The following PLCE1 variants were observed in gnomAD, a reference collection of about 807,000 sequenced individuals.
PLCE1 encodes phospholipase C epsilon 1.
Under a neutral mutation model 242.8 loss-of-function variants are expected in PLCE1, and 119 were observed. That is an observed-to-expected ratio of 0.49 (90% CI 0.42 to 0.57). The LOEUF (loss-of-function observed/expected upper bound fraction) is 0.57, where lower values mean the gene tolerates loss of function less well. PLCE1 is among the 20% of genes least tolerant of loss of function. PLCE1 has a pLI of 0.00. For synonymous variants in PLCE1, 945 were observed against 1,017.4 expected (o/e 0.93, Z 1.35); for missense variants, 2,441 against 2,788.8 (o/e 0.88, Z 2.81).
chr10:94,264,978 G>A (rs2051460457), intron 14 of PLCE1, among the ~76,000 whole-genome samples: 2 of 152,192 alleles, frequency 1.3e-5, no homozygotes, highest in African/African-American at 4.8e-5. Flanking sequence ...AAAATTTTAA[G>A]TGGTTACTCT....
intron 2 of PLCE1, among the ~76,000 whole-genome samples, chr10:94,118,517 G>A (rs114730970): frequency 1.6e-3 from 250 of 152,280 alleles, no homozygotes; most frequent in African/African-American, 5.3e-3. Flanking sequence ...ATGGGGGCAG[G>A]TCTTTTTCTT....
intron 4 of PLCE1, among the ~76,000 whole-genome samples, chr10:94,209,734 A>G (rs1217318216): frequency 6.6e-6 from 1 of 152,238 alleles, no homozygotes; most frequent in Non-Finnish European, 1.5e-5. Flanking sequence ...TTCCAAATTC[A>G]AAGAAACACC....
chr10:94,255,603 A>G (rs1376298000), intron 11 of PLCE1, among the ~76,000 whole-genome samples: 2 of 152,246 alleles, frequency 1.3e-5, no homozygotes, highest in Admixed American at 6.5e-5. Context: ...TCTCATATGT[A>G]AGTTATGCAT....
chr10:94,309,202 C>A (rs1049301937), intron 27 of PLCE1, among the ~76,000 whole-genome samples: 2 of 152,224 alleles, frequency 1.3e-5, no homozygotes, highest in African/African-American at 4.8e-5. Flanking sequence ...CTGGAGTGAG[C>A]AATAGGCTCT....
Position 94,312,170 on chromosome 10 carries a change from G to T in PLCE1, c.6004-1084G>T, listed in dbSNP as rs141697999. 2.6e-4 allele frequency among the ~76,000 whole-genome samples: 40 copies of T among 152,294 alleles called. 1 individual carries two copies. In the East Asian group the frequency reaches 7.7e-3, roughly 29 times the overall value. ...TTAGAATGTGTGCATTTTATAGTAT[G>T]ACAATTATACTTCAGTAAAACTGAT... On this transcript the variant is annotated intron_variant, in intron 27 of 32. Transcript: ENST00000371380.
At chr10:94,157,394 T>C (rs1472663611) in intron 3 of PLCE1, among the ~76,000 whole-genome samples, 1 of 152,218 alleles carries the variant, frequency 6.6e-6, no homozygotes, top group African/African-American at 2.4e-5. Flanking sequence ...GACATACCCA[T>C]AGTTGTTTAG....
chr10:94,299,798 G>T (rs2133553776), intron 24 of PLCE1, among the ~76,000 whole-genome samples: 1 of 152,294 alleles, frequency 6.6e-6, no homozygotes, highest in Admixed American at 6.5e-5. Flanking sequence ...TCACATTTCT[G>T]CCCTTGTTAT....
At chr10:94,013,962 G>A (rs577546601) in intron 1 of PLCE1, among the ~76,000 whole-genome samples, 1 of 152,224 alleles carries the variant, frequency 6.6e-6, no homozygotes, top group South Asian at 2.1e-4. Flanking sequence ...CCACCTATGG[G>A]TTATGTTAGG....
At chr10:94,085,052 TACA>T (rs1342958257) in intron 2 of PLCE1, among the ~76,000 whole-genome samples, 2 of 152,184 alleles carry the variant, frequency 1.3e-5, no homozygotes, top group African/African-American at 4.8e-5. Context: ...AGTATGAAAT[TACA>T]ACAACAATAA....
At chr10:94,137,963 C>G (rs1254758525) in intron 3 of PLCE1, 1 of 394,188 alleles carries the variant, frequency 2.5e-6, no homozygotes, top group Non-Finnish European at 5.0e-6. Flanking sequence ...TAAATCCTTG[C>G]ACTCCATTCA....
chr10:94,278,584 G>A (rs1322845374), intron 19 of PLCE1, among the ~76,000 whole-genome samples: 1 of 152,094 alleles, frequency 6.6e-6, no homozygotes, highest in Non-Finnish European at 1.5e-5. Flanking sequence ...GTATTCAACA[G>A]TATTTCCTTT....
At chr10:94,007,953 G>A (rs1294396571) in intron 1 of PLCE1, among the ~76,000 whole-genome samples, 1 of 150,900 alleles carries the variant, frequency 6.6e-6, no homozygotes, top group African/African-American at 2.4e-5. Context: ...CAAAGTGGGA[G>A]GATTGCTTGA....
intron 2 of PLCE1, among the ~76,000 whole-genome samples, chr10:94,052,020 C>T (rs998390209): frequency 1.3e-5 from 2 of 152,192 alleles, no homozygotes; most frequent in African/African-American, 2.4e-5. Context: ...TCAGCTCCTT[C>T]GGGGCATGAA....
At chr10:94,236,721 C>T (rs1392689241) in intron 7 of PLCE1, among the ~76,000 whole-genome samples, 2 of 152,162 alleles carry the variant, frequency 1.3e-5, no homozygotes, top group Non-Finnish European at 2.9e-5. Flanking sequence ...TCCAGTTTCT[C>T]AGAGATTATT....
chr10:94,051,470 C>G (rs536797176), intron 2 of PLCE1, among the ~76,000 whole-genome samples: 23 of 151,962 alleles, frequency 1.5e-4, no homozygotes, highest in Admixed American at 3.9e-4. Context: ...AGAAACTGAT[C>G]CATCTAAAAA....
intron 8 of PLCE1, among the ~76,000 whole-genome samples, chr10:94,247,929 T>G (rs2050744054): frequency 6.6e-6 from 1 of 152,242 alleles, no homozygotes; most frequent in East Asian, 1.9e-4. Context: ...AGTGTCATTC[T>G]CAAATGAGTT....
At chr10:94,177,012 T>C (rs2048147504) in intron 4 of PLCE1, among the ~76,000 whole-genome samples, 1 of 152,136 alleles carries the variant, frequency 6.6e-6, no homozygotes, top group Admixed American at 6.5e-5. Flanking sequence ...TGAGCAAGAC[T>C]CATGGTTTAG....
chr10:94,104,728 T>C (rs2045663189), intron 2 of PLCE1: 1 of 152,234 alleles, frequency 6.6e-6, no homozygotes, highest in African/African-American at 2.4e-5. Flanking sequence ...TGGACTCAAG[T>C]ACAGTTCACC....
intron 22 of PLCE1, among the ~76,000 whole-genome samples, chr10:94,285,732 C>T (rs1375294303): frequency 6.6e-6 from 1 of 152,166 alleles, no homozygotes; most frequent in African/African-American, 2.4e-5. Context: ...CTCTGATGGT[C>T]TGGATCCCAT....
Sources: gnomAD v4.1 joint callset for allele counts (sites outside exome capture counted in the v4.1 genomes callset) on GRCh38, gnomAD v4.1.1 for gene constraint, MANE v1.5 for transcripts, NCBI Gene and HGNC (gene_info 2026-07-23, HGNC 2026-07-21) for gene names.